The following KCNAB1 variants were observed in gnomAD, a reference collection of about 807,000 sequenced individuals.
The protein encoded by KCNAB1 is voltage-gated potassium channel subunit beta-1.
KCNAB1 carries 35 observed loss-of-function variants against 64.6 expected under a neutral mutation model. The ratio of observed to expected loss-of-function variants is 0.54; its 90% CI spans 0.41 to 0.72. The LOEUF (loss-of-function observed/expected upper bound fraction) is 0.72. Among genes scored for constraint, KCNAB1 ranks in the 30% least tolerant of loss-of-function variants. KCNAB1 has a pLI of 0.00. For synonymous variants in KCNAB1, 177 were observed against 183.8 expected (o/e 0.96, Z 0.30); for missense variants, 401 against 512.9 (o/e 0.78, Z 2.11).
intron 1 of KCNAB1, among the ~76,000 whole-genome samples, chr3:156,296,179 T>C (rs1285120372): frequency 6.6e-6 from 1 of 152,230 alleles, no homozygotes; most frequent in Non-Finnish European, 1.5e-5. Context: ...CATGAATCTT[T>C]CATCCTAAGA....
chr3:156,435,947 G>A (rs1037204309), intron 2 of KCNAB1, among the ~76,000 whole-genome samples: 5 of 152,082 alleles, frequency 3.3e-5, no homozygotes, highest in Non-Finnish European at 5.9e-5. Context: ...GGGTACATGT[G>A]CAGGATGTGC....
chr3:156,334,939 A>G lies in KCNAB1; in HGVS notation c.276-86677A>G, dbSNP rs998659325. Among the ~76,000 whole-genome samples, 5 of 152,316 alleles carry G rather than the reference A, an allele frequency of 3.3e-5. No homozygotes were observed. In the East Asian group the frequency reaches 7.7e-4, roughly 23 times the overall value. ...CTTGTATCAATACTGCCATCATTGC[A>G]CTGGTTCCCTGATCATTTCCTTGAC... On this transcript the variant is annotated intron_variant, in intron 1 of 13. Coordinates refer to ENST00000490337, the MANE Select transcript of KCNAB1 (RefSeq NM_172160.3).
intron 1 of KCNAB1, among the ~76,000 whole-genome samples, chr3:156,348,043 G>A (rs760765520): frequency 2.0e-5 from 3 of 152,044 alleles, no homozygotes; most frequent in Non-Finnish European, 4.4e-5. Flanking sequence ...CTATATGCAA[G>A]CAAACAAAAA....
chr3:156,513,039 T>C (rs4450761), intron 8 of KCNAB1, among the ~76,000 whole-genome samples: 77,967 of 152,046 alleles, frequency 0.51, 20,524 homozygotes, highest in African/African-American at 0.62. Context: ...GGTGAAACCC[T>C]GTCTCTACCA....
At chr3:156,123,788 C>T (rs1170598560) in intron 1 of KCNAB1, among the ~76,000 whole-genome samples, 2 of 152,194 alleles carry the variant, frequency 1.3e-5, no homozygotes, top group South Asian at 4.1e-4. Flanking sequence ...TTTCTTCTTA[C>T]TGCCTGTAAC....
chr3:156,309,852 G>T (rs1313901513), intron 1 of KCNAB1, among the ~76,000 whole-genome samples: 1 of 152,200 alleles, frequency 6.6e-6, no homozygotes. Context: ...GAACTAAAGA[G>T]AATTAGTTCT....
intron 1 of KCNAB1, among the ~76,000 whole-genome samples, chr3:156,411,737 T>C (rs1714679119): frequency 6.6e-6 from 1 of 152,204 alleles, no homozygotes; most frequent in Non-Finnish European, 1.5e-5. Flanking sequence ...TTCATTTATA[T>C]GTGCTTCACT....
intron 8 of KCNAB1, among the ~76,000 whole-genome samples, chr3:156,499,312 T>C (rs528242801): frequency 6.6e-6 from 1 of 152,312 alleles, no homozygotes; most frequent in East Asian, 1.9e-4. Flanking sequence ...AGGGGACCCA[T>C]TTTTCTTTAG....
At chr3:156,359,125 C>A (rs572981408) in intron 1 of KCNAB1, among the ~76,000 whole-genome samples, 2 of 152,316 alleles carry the variant, frequency 1.3e-5, no homozygotes, top group Admixed American at 1.3e-4. Flanking sequence ...ATATTACTTG[C>A]AGAACTTCTT....
At position 156,452,634 on chromosome 3, in the gene KCNAB1, G is replaced by A. The variant is rs1467035762; in HGVS notation, c.320-265G>A. On this transcript the variant is annotated intron_variant, in intron 2 of 13. Transcript: ENST00000490337. The surrounding 1 kb of genome is among the most constrained non-coding windows in gnomAD (Gnocchi z 4.6). ...AGAAGGGAAAGCATCTTCTAGGACAGGGCTTCCAATAGTATGTACAGTGGC... is the reference window on the plus strand; with the variant it reads ...AGAAGGGAAAGCATCTTCTAGGACAAGGCTTCCAATAGTATGTACAGTGGC... Among the ~76,000 whole-genome samples, 2 of 152,180 alleles carry A rather than the reference G, an allele frequency of 1.3e-5. No homozygotes were observed. Among genetic ancestry groups the A allele is most frequent in the Non-Finnish European group, 2.9e-5 (2 of 68,038 alleles).
chr3:156,459,357 G>A (rs753944228), intron 4 of KCNAB1, among the ~76,000 whole-genome samples: 4 of 152,176 alleles, frequency 2.6e-5, no homozygotes, highest in Non-Finnish European at 4.4e-5. Context: ...TGTTCTCTAT[G>A]TGGGACATCT....
chr3:156,474,693 A>G (rs780605979), intron 7 of KCNAB1, 41 bp from the exon 8 acceptor site: 9 of 1,402,224 alleles, frequency 6.4e-6, no homozygotes, highest in Non-Finnish European at 9.1e-6. Flanking sequence ...AATAGTGCTC[A>G]TATTTAGATT....
chr3:156,500,049 G>T (rs578051086), intron 8 of KCNAB1, among the ~76,000 whole-genome samples: 11 of 152,320 alleles, frequency 7.2e-5, no homozygotes, highest in African/African-American at 2.6e-4. Flanking sequence ...GCCACTCCTT[G>T]GTTGCAAGGT....
intron 8 of KCNAB1, among the ~76,000 whole-genome samples, chr3:156,501,036 A>G (rs1005713040): frequency 1.3e-5 from 2 of 152,226 alleles, no homozygotes; most frequent in African/African-American, 4.8e-5. Flanking sequence ...TTCCGTCTCT[A>G]CTAGAGGCCG....
chr3:156,388,392 A>G (rs1190887835), intron 1 of KCNAB1, among the ~76,000 whole-genome samples: 2 of 152,220 alleles, frequency 1.3e-5, no homozygotes, highest in African/African-American at 4.8e-5. Flanking sequence ...CTCACAGAGC[A>G]AAGAGTCTCG....
intron 1 of KCNAB1, among the ~76,000 whole-genome samples, chr3:156,365,372 T>C (rs1725881066): frequency 6.6e-6 from 1 of 152,230 alleles, no homozygotes; most frequent in South Asian, 2.1e-4. Context: ...ATTTTCTGTA[T>C]GGCGTAGACG....
intron 1 of KCNAB1, among the ~76,000 whole-genome samples, chr3:156,153,892 A>G (rs748387721): frequency 3.3e-5 from 5 of 152,220 alleles, no homozygotes; most frequent in Non-Finnish European, 7.3e-5. Flanking sequence ...GGGAGTTCTC[A>G]GCCTCCACAG....
intron 1 of KCNAB1, among the ~76,000 whole-genome samples, chr3:156,163,058 T>C (rs910133673): frequency 1.3e-5 from 2 of 152,200 alleles, no homozygotes; most frequent in Non-Finnish European, 2.9e-5. Flanking sequence ...CTGAACAGTA[T>C]TTGAAAGTAA....
intron 2 of KCNAB1, among the ~76,000 whole-genome samples, chr3:156,432,935 A>C (rs906858978): frequency 6.6e-6 from 1 of 152,142 alleles, no homozygotes; most frequent in Non-Finnish European, 1.5e-5. Flanking sequence ...AGTGCCTTCC[A>C]GGGAGGACTG....
Sources: gnomAD v4.1 joint callset for allele counts (sites outside exome capture counted in the v4.1 genomes callset) on GRCh38, gnomAD v4.1.1 for gene constraint, Gnocchi (gnomAD v3.1) non-coding constraint, MANE v1.5 for transcripts, NCBI Gene and HGNC (gene_info 2026-07-23, HGNC 2026-07-21) for gene names.